PLCL1: variants seen among roughly 807,000 people sequenced by gnomAD.
PLCL1 encodes phospholipase C like 1 (inactive).
PLCL1 carries 41 observed loss-of-function variants against 84.4 expected under a neutral mutation model. The ratio of observed to expected loss-of-function variants is 0.49; its 90% CI spans 0.38 to 0.63. The LOEUF is 0.63. Among genes scored for constraint, PLCL1 ranks in the 30% least tolerant of loss-of-function variants. PLCL1 has a pLI of 0.00. For synonymous variants in PLCL1, 490 were observed against 488.3 expected (o/e 1.00, Z -0.05); for missense variants, 1,206 against 1,367.8 (o/e 0.88, Z 1.87).
At chr2:198,037,488 G>A (rs964828028) in intron 1 of PLCL1, among the ~76,000 whole-genome samples, 29 of 152,180 alleles carry the variant, frequency 1.9e-4, no homozygotes, top group African/African-American at 5.5e-4. Context: ...TTTTTCCATC[G>A]CACTCTTGAA....
At chr2:198,009,695 T>A (rs1690820582) in intron 1 of PLCL1, among the ~76,000 whole-genome samples, 1 of 151,940 alleles carries the variant, frequency 6.6e-6, no homozygotes, top group Non-Finnish European at 1.5e-5. Context: ...ATTTTATAAT[T>A]ATTTTTCTGT....
intron 1 of PLCL1, among the ~76,000 whole-genome samples, chr2:197,935,256 A>G (rs932402483): frequency 2.0e-5 from 3 of 152,174 alleles, no homozygotes; most frequent in Admixed American, 6.5e-5. Context: ...AAACAGAATT[A>G]CCATTCTGTA....
At chr2:198,141,366 A>G (rs1559118971) in intron 5 of PLCL1, among the ~76,000 whole-genome samples, 1 of 152,072 alleles carries the variant, frequency 6.6e-6, no homozygotes, top group Non-Finnish European at 1.5e-5. Flanking sequence ...AACATCTTGT[A>G]TATAATTCCT....
At chr2:197,860,254 C>T (rs1003427398) in intron 1 of PLCL1, among the ~76,000 whole-genome samples, 6 of 152,048 alleles carry the variant, frequency 3.9e-5, no homozygotes, top group African/African-American at 1.4e-4. Context: ...ATATGTACCA[C>T]ATTTTCTTTA....
chr2:197,975,684 T>G (rs538463706), intron 1 of PLCL1, among the ~76,000 whole-genome samples: 2 of 152,096 alleles, frequency 1.3e-5, no homozygotes, highest in Non-Finnish European at 2.9e-5. Context: ...CACATGCCTA[T>G]AGTTCCAGCT....
intron 1 of PLCL1, among the ~76,000 whole-genome samples, chr2:197,935,758 C>T (rs1405566862): frequency 2.6e-5 from 4 of 152,084 alleles, no homozygotes; most frequent in East Asian, 1.9e-4. Flanking sequence ...ACCCCTTGAA[C>T]GTAAAAGTTA....
At chr2:198,016,983 G>C (rs1048949876) in intron 1 of PLCL1, among the ~76,000 whole-genome samples, 3 of 152,134 alleles carry the variant, frequency 2.0e-5, no homozygotes, top group African/African-American at 7.2e-5. Flanking sequence ...TTTTCATGCC[G>C]TGCTTCTGCA....
intron 1 of PLCL1, among the ~76,000 whole-genome samples, chr2:198,055,327 C>CTGTG (rs1200526859): frequency 5.5e-5 from 6 of 108,708 alleles, no homozygotes; most frequent in Admixed American, 8.8e-5. Flanking sequence ...CTCTCTCTCT[C>CTGTG]TCTGTGTGTG....
chr2:197,915,725 C>T lies in PLCL1; in HGVS notation c.240+110386C>T, dbSNP rs116550782. On this transcript the variant is annotated intron_variant, in intron 1 of 5. Transcript: ENST00000428675. ...CAACTGCTTCCCTTCCATGAGGCAC[C>T]GATACCCTATTTGTGTGTGATAAGG... 2.6e-3 allele frequency among the ~76,000 whole-genome samples: 396 copies of T among 152,136 alleles called. 1 individual carries two copies. The highest frequency in any genetic ancestry group is 9.0e-3 in the African/African-American group (374 of 41,502).
At chr2:197,817,932 G>T (rs1377778313) in intron 1 of PLCL1, among the ~76,000 whole-genome samples, 1 of 151,798 alleles carries the variant, frequency 6.6e-6, no homozygotes, top group Admixed American at 6.6e-5. Flanking sequence ...ACTTTTAACC[G>T]ATGGGCACCT....
intron 1 of PLCL1, 27 bp from the exon 2 acceptor site, chr2:198,083,731 A>G: frequency 2.0e-6 from 3 of 1,464,878 alleles, no homozygotes; most frequent in Admixed American, 4.3e-5. Flanking sequence ...AAGGAAATTG[A>G]TTCATTTTTT....
At chr2:197,860,066 C>T (rs1285889014) in intron 1 of PLCL1, among the ~76,000 whole-genome samples, 1 of 152,040 alleles carries the variant, frequency 6.6e-6, no homozygotes, top group East Asian at 1.9e-4. Context: ...CTGTTGTGCC[C>T]CTCTATGTGT....
intron 1 of PLCL1, among the ~76,000 whole-genome samples, chr2:197,832,993 G>A (rs1330013663): frequency 2.6e-5 from 4 of 152,220 alleles, no homozygotes; most frequent in Non-Finnish European, 5.9e-5. Flanking sequence ...ACTTTGGGAG[G>A]CCAAGGCCGG....
chr2:197,905,064 T>C (rs73056823), intron 1 of PLCL1, among the ~76,000 whole-genome samples: 29,330 of 152,132 alleles, frequency 0.19, 2,892 homozygotes, highest in East Asian at 0.27. Flanking sequence ...TCATTTTTTT[T>C]CTCCTTTTTT....
intron 1 of PLCL1, among the ~76,000 whole-genome samples, chr2:197,870,136 A>G (rs1396100316): frequency 6.6e-6 from 1 of 152,180 alleles, no homozygotes; most frequent in Admixed American, 6.6e-5. Context: ...AAAATGAATT[A>G]CACAAATAAC....
intron 1 of PLCL1, among the ~76,000 whole-genome samples, chr2:197,964,896 G>A (rs1210521678): frequency 3.3e-5 from 5 of 152,020 alleles, no homozygotes; most frequent in African/African-American, 1.2e-4. Flanking sequence ...TAATTTGTGT[G>A]TGTTGAACCA....
At chr2:197,829,386 T>C (rs1349059379) in intron 1 of PLCL1, among the ~76,000 whole-genome samples, 1 of 152,150 alleles carries the variant, frequency 6.6e-6, no homozygotes, top group Non-Finnish European at 1.5e-5. Context: ...ACCTCTCATA[T>C]TGGTGTTTGT....
chr2:198,034,425 C>T (rs1214963538), intron 1 of PLCL1, among the ~76,000 whole-genome samples: 4 of 152,152 alleles, frequency 2.6e-5, no homozygotes, highest in East Asian at 1.9e-4. Context: ...CACTTGCACA[C>T]GTATGTTTAC....
chr2:197,826,274 T>A (rs1574899225), intron 1 of PLCL1, among the ~76,000 whole-genome samples: 1 of 152,206 alleles, frequency 6.6e-6, no homozygotes, highest in East Asian at 1.9e-4. Flanking sequence ...GGGTGGCCTA[T>A]CATCTACCTA....
Sources: allele counts gnomAD v4.1 joint callset (sites outside exome capture counted in the v4.1 genomes callset), GRCh38; gene constraint gnomAD v4.1.1; transcripts MANE v1.5; gene names NCBI Gene and HGNC (gene_info 2026-07-23, HGNC 2026-07-21).